The following CACNA1A variants were observed in gnomAD, a reference collection of about 807,000 sequenced individuals.
CACNA1A encodes voltage-dependent P/Q-type calcium channel subunit alpha-1A.
In CACNA1A, 57 loss-of-function variants were observed where a neutral mutation model predicts 262.4. That is an observed-to-expected ratio of 0.22 (90% confidence interval 0.18 to 0.27). CACNA1A has a LOEUF of 0.27. CACNA1A is among the 10% of genes least tolerant of loss of function. The pLI, the probability that CACNA1A is intolerant of heterozygous loss-of-function variation, is 1.00. For synonymous variants in CACNA1A, 1,431 were observed against 1,419.3 expected, an observed-to-expected ratio of 1.01 and a Z score of -0.18; for missense variants, 2,526 against 3,562.8, an observed-to-expected ratio of 0.71 and a Z score of 7.41.
At chr19:13,229,158 G>A (rs1158255076) in intron 36 of CACNA1A, 1 of 167,298 alleles carries the variant, frequency 6.0e-6, no homozygotes, top group Admixed American at 6.5e-5. Context: ...CCAAAGCCCA[G>A]CCCCAGACCC....
At chr19:13,376,486 T>C (rs778399013) in intron 3 of CACNA1A, among the ~76,000 whole-genome samples, 4 of 151,760 alleles carry the variant, frequency 2.6e-5, no homozygotes, top group Non-Finnish European at 5.9e-5. Flanking sequence ...CCCGTCTGTT[T>C]ATAGCATGGA....
At chr19:13,287,334 G>A (rs1487847957) in intron 19 of CACNA1A, among the ~76,000 whole-genome samples, 1 of 151,978 alleles carries the variant, frequency 6.6e-6, no homozygotes, top group Non-Finnish European at 1.5e-5. Context: ...CTGGGTGACA[G>A]AGTGAGACCC....
At chr19:13,209,047 C>T (rs1398701514) in intron 45 of CACNA1A, 38 bp from the exon 46 acceptor site, 6 of 1,536,326 alleles carry the variant, frequency 3.9e-6, no homozygotes, top group South Asian at 2.4e-5. Flanking sequence ...CACAGGTGGT[C>T]GTGAGGGAGA....
intron 30 of CACNA1A, among the ~76,000 whole-genome samples, chr19:13,250,941 G>A (rs960464559): frequency 1.3e-5 from 2 of 151,534 alleles, no homozygotes; most frequent in South Asian, 4.2e-4. Flanking sequence ...AGACCAGCCT[G>A]GCCAACATGG....
intron 1 of CACNA1A, among the ~76,000 whole-genome samples, chr19:13,464,612 T>C (rs368045818): frequency 3.3e-5 from 5 of 150,420 alleles, no homozygotes; most frequent in Admixed American, 2.0e-4. Flanking sequence ...GCAGTGGTGC[T>C]ATCTCGGCTC....
In CACNA1A at chr19:13,231,866, G is replaced by A. The variant is rs755140994; in HGVS notation, c.5250-6C>T. 2 of 1,610,352 alleles carry A rather than the reference G, an allele frequency of 1.2e-6. No homozygotes were observed. The highest frequency in any genetic ancestry group is 1.7e-5 in the Admixed American group (1 of 59,864). ...AAGCTTCCCCGGTGGCACTCCTGAG[G>A]ACAGGGAGAAATCAGAGACTCGGAC... On this transcript the variant is annotated splice_region_variant and splice_polypyrimidine_tract_variant and intron_variant, in intron 34 of 46. Coordinates refer to ENST00000360228, the MANE Select transcript of CACNA1A (RefSeq NM_001127222.2).
At chr19:13,257,607 C>A in intron 27 of CACNA1A, 56 bp from the exon 28 acceptor site, 2 of 1,199,628 alleles carry the variant, frequency 1.7e-6, no homozygotes, top group Non-Finnish European at 1.2e-6. Flanking sequence ...GACAGGGACC[C>A]AAGGGGTGAT....
At chr19:13,231,637 C>T (rs1419060540) in intron 35 of CACNA1A, 73 bp downstream of exon 35, 23 of 1,483,054 alleles carry the variant, frequency 1.6e-5, no homozygotes, top group Admixed American at 4.0e-5. Flanking sequence ...CCACATTCCA[C>T]AGAAACCCAC....
At chr19:13,271,117 T>A (rs553091177) in intron 24 of CACNA1A, among the ~76,000 whole-genome samples, 49 of 17,140 alleles carry the variant, frequency 2.9e-3, no homozygotes, top group African/African-American at 0.011. Flanking sequence ...TTCCTGTGAG[T>A]TGTAGGCCAA....
At chr19:13,465,388 A>G (rs974545744) in intron 1 of CACNA1A, among the ~76,000 whole-genome samples, 1 of 152,102 alleles carries the variant, frequency 6.6e-6, no homozygotes, top group African/African-American at 2.4e-5. Context: ...AAATGTTGCC[A>G]AAAAAAATCT....
At chr19:13,389,040 TTA>T in intron 3 of CACNA1A, among the ~76,000 whole-genome samples, 1 of 152,144 alleles carries the variant, frequency 6.6e-6, no homozygotes, top group South Asian at 2.1e-4. Flanking sequence ...GTAGTTGGGA[TTA>T]CAGGCACCCG....
rs1216760229 is a variant in CACNA1A, at chr19:13,214,164, T to C, written c.5940+69A>G. ...GGGCTCAGCCACCCTCATATTCCAG[T>C]TGGTTCCCGTGGTGACATGCAAGCC... On this transcript the variant is annotated intron_variant, in intron 40 of 46. Transcript: ENST00000360228. This position sits in a 1 kb window ranked among gnomAD's most constrained non-coding sequence, Gnocchi z 4.1. 1.5e-6 allele frequency: 2 copies of C among 1,290,832 alleles called. No homozygotes were observed. The highest frequency in any genetic ancestry group is 3.9e-5 in the Admixed American group (2 of 51,316). The allele number at this position is 1,290,832 out of a possible 1,614,324, so 80.0% of individuals were successfully genotyped here.
rs143761119 is a variant in CACNA1A, at chr19:13,245,577, C to T, written c.4867-312G>A. The T allele has an allele frequency of 5.4e-5, 19 of 354,526 alleles. No individual in the cohort carries two copies. The East Asian group carries it at 7.8e-4, about 15-fold the overall frequency. The allele number at this position is 354,526 out of a possible 1,614,324, so 22.0% of individuals were successfully genotyped here. On this transcript the variant is annotated intron_variant, in intron 30 of 46. Coordinates refer to ENST00000360228, the MANE Select transcript of CACNA1A (RefSeq NM_001127222.2). ...TCTCTCCAGCATTTTTGAGGGCTCC[C>T]GAGACCCCAGGGGCTTTATAAATGA... is the stretch of plus-strand genomic sequence containing the variant.
chr19:13,299,673 C>T (rs1482750254), intron 18 of CACNA1A, among the ~76,000 whole-genome samples: 1 of 152,190 alleles, frequency 6.6e-6, no homozygotes, highest in Non-Finnish European at 1.5e-5. Context: ...AGGCCTCCTT[C>T]ACATCAGGCA....
chr19:13,443,123 T>G (rs1233666081), intron 3 of CACNA1A, among the ~76,000 whole-genome samples: 1 of 151,996 alleles, frequency 6.6e-6, no homozygotes, highest in African/African-American at 2.4e-5. Flanking sequence ...TGTGTGTGCA[T>G]TATAGCTCAT....
At chr19:13,402,033 T>A (rs1568609793) in intron 3 of CACNA1A, among the ~76,000 whole-genome samples, 1 of 152,154 alleles carries the variant, frequency 6.6e-6, no homozygotes, top group African/African-American at 2.4e-5. Flanking sequence ...AGCCAGAGAT[T>A]TTTGGTTTTA....
Position 13,245,279 on chromosome 19 carries a change from C to G in CACNA1A, c.4867-14G>C, listed in dbSNP as rs746053124. On this transcript the variant is annotated splice_polypyrimidine_tract_variant and intron_variant, in intron 30 of 46. Transcript: ENST00000360228. ...GCGGAAATAATTCTAGAATGGGGAC[C>G]CACAAGACAGAGATGCCAACAGAGG... 1 of 1,610,546 alleles carries G rather than the reference C, an allele frequency of 6.2e-7. No individual in the cohort carries two copies. Among genetic ancestry groups the G allele is most frequent in the Admixed American group, 1.7e-5 (1 of 60,026 alleles).
rs528058647 is a variant in CACNA1A, at chr19:13,439,492, C to G, written c.539+13384G>C. 5.9e-4 allele frequency among the ~76,000 whole-genome samples: 89 copies of G among 151,546 alleles called. 1 individual carries two copies. The highest frequency in any genetic ancestry group is 2.0e-3 in the African/African-American group (84 of 41,274). ...TCAGCTCACTGCAAGCTCCGCCTCC[C>G]GGGTTCACGCCATTCTCCTGCCTCA... On this transcript the variant is annotated intron_variant, in intron 3 of 46. Coordinates refer to ENST00000360228, the MANE Select transcript of CACNA1A (RefSeq NM_001127222.2).
intron 15 of CACNA1A, among the ~76,000 whole-genome samples, chr19:13,305,586 T>C (rs2057882772): frequency 6.6e-6 from 1 of 152,198 alleles, no homozygotes; most frequent in African/African-American, 2.4e-5. Flanking sequence ...GGCTGTCCTG[T>C]GCATTGTAGG....
Sources: allele counts gnomAD v4.1 joint callset (sites outside exome capture counted in the v4.1 genomes callset), GRCh38; gene constraint gnomAD v4.1.1; non-coding constraint Gnocchi (gnomAD v3.1); transcripts MANE v1.5; gene names NCBI Gene and HGNC (gene_info 2026-07-23, HGNC 2026-07-21).